RTN1: variants seen among roughly 807,000 people sequenced by gnomAD.
RTN1 encodes the protein reticulon-1.
In RTN1, 25 loss-of-function variants were observed where a neutral mutation model predicts 65.5. The observed-to-expected ratio is 0.38, with a 90% CI of 0.28 to 0.53. RTN1 has a LOEUF of 0.53. Among genes scored for constraint, RTN1 ranks in the 20% least tolerant of loss-of-function variants. The probability of loss-of-function intolerance (pLI) is 0.79; values close to 1 mark genes in which losing one functional copy is unlikely to be tolerated. For synonymous variants in RTN1, 471 were observed against 447.6 expected (o/e 1.05, Z -0.66); for missense variants, 983 against 1,025.4 (o/e 0.96, Z 0.57).
At chr14:59,661,829 GA>G (rs1355075679) in intron 3 of RTN1, among the ~76,000 whole-genome samples, 1 of 152,140 alleles carries the variant, frequency 6.6e-6, no homozygotes, top group Admixed American at 6.5e-5. Flanking sequence ...CATTCCCTTT[GA>G]AAACTGGCAC....
At chr14:59,602,085 CAA>C (rs1327108827) in intron 8 of RTN1, among the ~76,000 whole-genome samples, 1 of 152,020 alleles carries the variant, frequency 6.6e-6, no homozygotes, top group Non-Finnish European at 1.5e-5. Flanking sequence ...CAGTAAAAAA[CAA>C]AAGTTTATAA....
intron 1 of RTN1, among the ~76,000 whole-genome samples, chr14:59,842,560 G>A (rs1374575299): frequency 6.6e-6 from 1 of 151,942 alleles, no homozygotes; most frequent in Non-Finnish European, 1.5e-5. Context: ...TTAATTATCT[G>A]CAGGAGCCCA....
chr14:59,752,212 T>C (rs957632693), intron 1 of RTN1, among the ~76,000 whole-genome samples: 1 of 152,126 alleles, frequency 6.6e-6, no homozygotes, highest in Non-Finnish European at 1.5e-5. Flanking sequence ...CTATAAACTA[T>C]GTAGATTATA....
chr14:59,636,493 G>A (rs939717458), intron 3 of RTN1, among the ~76,000 whole-genome samples: 1 of 152,184 alleles, frequency 6.6e-6, no homozygotes, highest in Non-Finnish European at 1.5e-5. Flanking sequence ...GCAGATCCGT[G>A]AGCCAATTAA....
chr14:59,608,723 A>T (rs1881845573), intron 3 of RTN1, among the ~76,000 whole-genome samples: 1 of 152,158 alleles, frequency 6.6e-6, no homozygotes, highest in African/African-American at 2.4e-5. Context: ...CATCAGGGAC[A>T]TTAACTCAGA....
chr14:59,799,130 A>G, intron 1 of RTN1, among the ~76,000 whole-genome samples: 1 of 152,230 alleles, frequency 6.6e-6, no homozygotes, highest in East Asian at 1.9e-4. Flanking sequence ...CATGCAAGTT[A>G]GGGTATTACC....
At position 59,717,806 on chromosome 14, in the gene RTN1, T is replaced by C. The variant is rs530893798; in HGVS notation, c.1765+9113A>G. ...GCCCAAACAGAAAATCCAACTGGCC[T>C]TGGAAAAAGTTGGGTTACTGGAGGA... On this transcript the variant is annotated intron_variant, in intron 3 of 8. Transcript: ENST00000267484. Among the ~76,000 whole-genome samples, 16 of 152,298 alleles carry C rather than the reference T, an allele frequency of 1.1e-4. No homozygotes were observed. In the South Asian group the frequency reaches 3.3e-3, roughly 32 times the overall value.
intron 3 of RTN1, among the ~76,000 whole-genome samples, chr14:59,708,894 G>A (rs1047328302): frequency 6.6e-6 from 1 of 152,102 alleles, no homozygotes; most frequent in African/African-American, 2.4e-5. Flanking sequence ...TCTGATCATC[G>A]CATACTATAC....
At chr14:59,773,988 G>T (rs1160515140) in intron 1 of RTN1, among the ~76,000 whole-genome samples, 1 of 152,130 alleles carries the variant, frequency 6.6e-6, no homozygotes, top group Non-Finnish European at 1.5e-5. Flanking sequence ...TCTTTCATGT[G>T]ATTAGAGTTT....
At chr14:59,747,711 C>T (rs879702214) in intron 1 of RTN1, among the ~76,000 whole-genome samples, 5 of 152,198 alleles carry the variant, frequency 3.3e-5, no homozygotes, top group South Asian at 2.1e-4. Context: ...CCAGAGCATA[C>T]ATTGAGGCGT....
At chr14:59,689,984 CTTTT>C in intron 3 of RTN1, among the ~76,000 whole-genome samples, 1 of 148,456 alleles carries the variant, frequency 6.7e-6, no homozygotes, top group South Asian at 2.1e-4. Context: ...ATGTAATTTC[CTTTT>C]TTTTTTTTTG....
rs879178613 is a variant in RTN1, at chr14:59,774,855, C to T, written c.242-28374G>A. Among the ~76,000 whole-genome samples the T allele has an allele frequency of 8.5e-5, 13 of 152,070 alleles. No individual in the cohort carries two copies. The highest frequency in any genetic ancestry group is 1.3e-4 in the Non-Finnish European group (9 of 68,008). ...AACAATTTCTTGATGATTAAAGTAC[C>T]GTCTTTTTCTCATTAAGTGAAGAGG... On this transcript the variant is annotated intron_variant, in intron 1 of 8. Transcript: ENST00000267484. This position sits in a 1 kb window ranked among gnomAD's most constrained non-coding sequence, Gnocchi z 5.1.
At chr14:59,862,281 C>A (rs1038719888) in intron 1 of RTN1, among the ~76,000 whole-genome samples, 14 of 152,156 alleles carry the variant, frequency 9.2e-5, no homozygotes, top group African/African-American at 3.4e-4. Flanking sequence ...TATCCATTAG[C>A]GTCTGGTTTA....
intron 1 of RTN1, among the ~76,000 whole-genome samples, chr14:59,792,432 G>T (rs146552104): frequency 6.6e-6 from 1 of 151,784 alleles, no homozygotes; most frequent in African/African-American, 2.4e-5. Flanking sequence ...ATGCATGGAT[G>T]TGTGTGCATG....
At chr14:59,632,289 AT>A (rs1284271961) in intron 3 of RTN1, among the ~76,000 whole-genome samples, 1 of 152,002 alleles carries the variant, frequency 6.6e-6, no homozygotes, top group Admixed American at 6.5e-5. Flanking sequence ...ATTCTTGATT[AT>A]TTTTTCTATT....
intron 3 of RTN1, among the ~76,000 whole-genome samples, chr14:59,657,814 C>G (rs888598081): frequency 2.6e-5 from 4 of 151,956 alleles, no homozygotes; most frequent in African/African-American, 9.7e-5. Flanking sequence ...CAAAACTGGA[C>G]AGCCATTTGG....
At chr14:59,834,817 C>A (rs1472299154) in intron 1 of RTN1, among the ~76,000 whole-genome samples, 1 of 152,114 alleles carries the variant, frequency 6.6e-6, no homozygotes, top group Non-Finnish European at 1.5e-5. Flanking sequence ...CCACTACATG[C>A]CTATTAGAAT....
At chr14:59,651,141 T>C (rs534228425) in intron 3 of RTN1, among the ~76,000 whole-genome samples, 6 of 152,172 alleles carry the variant, frequency 3.9e-5, no homozygotes, top group Non-Finnish European at 7.4e-5. Flanking sequence ...AACTATACTA[T>C]GGGGCTATAA....
chr14:59,786,849 T>C (rs1325062300), intron 1 of RTN1, among the ~76,000 whole-genome samples: 2 of 152,156 alleles, frequency 1.3e-5, no homozygotes, highest in Admixed American at 1.3e-4. Context: ...TGTGTTTAGC[T>C]GTAAGAGTCA....
Sources: allele counts gnomAD v4.1 joint callset (sites outside exome capture counted in the v4.1 genomes callset), GRCh38; gene constraint gnomAD v4.1.1; non-coding constraint Gnocchi (gnomAD v3.1); transcripts MANE v1.5; gene names NCBI Gene and HGNC (gene_info 2026-07-23, HGNC 2026-07-21).